AGBL1: variants seen among roughly 807,000 people sequenced by gnomAD.
AGBL1 encodes the protein cytosolic carboxypeptidase 4.
In AGBL1, 130 loss-of-function variants were observed where a neutral mutation model predicts 118.9. The ratio of observed to expected loss-of-function variants is 1.09; its 90% CI spans 0.95 to 1.26. AGBL1 has a LOEUF of 1.26. Ranked by LOEUF, AGBL1 falls within the 50% of genes most tolerant of loss-of-function variation. AGBL1 has a pLI of 0.00. For missense variants in AGBL1, 1,584 were observed against 1,298.1 expected (o/e 1.22, Z -3.38); for synonymous variants, 555 against 478.9 (o/e 1.16, Z -2.08).
At chr15:86,637,371 G>A (rs2085114394) in intron 21 of AGBL1, among the ~76,000 whole-genome samples, 1 of 152,070 alleles carries the variant, frequency 6.6e-6, no homozygotes, top group East Asian at 1.9e-4. Flanking sequence ...TTCAGGCATA[G>A]AGAAACACAA....
intron 22 of AGBL1, among the ~76,000 whole-genome samples, chr15:86,866,230 C>A (rs546069951): frequency 2.0e-5 from 3 of 152,258 alleles, no homozygotes; most frequent in East Asian, 3.9e-4. Flanking sequence ...GTCATCTTGA[C>A]AAATGAAGGA....
At chr15:86,291,297 G>A (rs2079541190) in intron 16 of AGBL1, among the ~76,000 whole-genome samples, 1 of 152,092 alleles carries the variant, frequency 6.6e-6, no homozygotes, top group South Asian at 2.1e-4. Flanking sequence ...AGCATGTAGT[G>A]TTGCAGAAGA....
rs114791794 is a variant in AGBL1 at position 86,435,381 on chromosome 15, T to A, written c.2555+37835T>A. ...CACTAAGTATTGTGAGGATTATTGT[T>A]ACTAGGTGAGAACCAGGGTGATATT... On this transcript the variant is annotated intron_variant, in intron 18 of 22. Coordinates refer to ENST00000614907, the MANE Select transcript of AGBL1 (RefSeq NM_001386094.1). 2.9e-3 allele frequency among the ~76,000 whole-genome samples: 442 copies of A among 152,296 alleles called. 3 individuals carry two copies. Among genetic ancestry groups the A allele is most frequent in the African/African-American group, 0.01 (416 of 41,574 alleles).
intron 19 of AGBL1, among the ~76,000 whole-genome samples, chr15:86,542,163 G>T (rs1431032256): frequency 6.6e-6 from 1 of 152,142 alleles, no homozygotes; most frequent in African/African-American, 2.4e-5. Flanking sequence ...GAGCTTTGCT[G>T]GCATAATGTA....
At chr15:86,880,652 T>G (rs2079877756) in intron 22 of AGBL1, among the ~76,000 whole-genome samples, 1 of 152,108 alleles carries the variant, frequency 6.6e-6, no homozygotes, top group South Asian at 2.1e-4. Flanking sequence ...TGTGTATGCA[T>G]GTGTGTGGAT....
intron 1 of AGBL1, among the ~76,000 whole-genome samples, chr15:86,118,409 C>T (rs1897893573): frequency 1.3e-5 from 2 of 151,994 alleles, no homozygotes; most frequent in East Asian, 3.9e-4. Context: ...AAGAACTCTG[C>T]AGCACCACGT....
At chr15:87,022,945 A>C (rs533078990) in intron 24 of AGBL1, among the ~76,000 whole-genome samples, 1 of 152,180 alleles carries the variant, frequency 6.6e-6, no homozygotes, top group South Asian at 2.1e-4. Flanking sequence ...CCACTACAAG[A>C]ACTGCTTTTC....
rs151096192 is a variant in AGBL1, at chr15:86,718,022, A to G, written c.3158+43586A>G. Among the ~76,000 whole-genome samples the G allele has an allele frequency of 2.7e-3, 411 of 152,228 alleles. 1 individual carries two copies. Among genetic ancestry groups the G allele is most frequent in the African/African-American group, 9.3e-3 (386 of 41,542 alleles). On this transcript the variant is annotated intron_variant, in intron 22 of 22. Transcript: ENST00000614907. ...GAACCTGGGAGGTGGAGGTTGCAGT[A>G]AGCCAACATTGTGCCACTGCACTCC... is the stretch of plus-strand genomic sequence containing the variant.
chr15:86,131,264 G>A (rs2076815021), intron 1 of AGBL1, among the ~76,000 whole-genome samples: 1 of 151,938 alleles, frequency 6.6e-6, no homozygotes, highest in South Asian at 2.1e-4. Context: ...ATTCTATTTG[G>A]TAATAAGAGA....
chr15:86,443,851 T>C (rs1030792119), intron 18 of AGBL1, among the ~76,000 whole-genome samples: 2 of 124,656 alleles, frequency 1.6e-5, no homozygotes, highest in Non-Finnish European at 3.2e-5. Context: ...CATCCATTCA[T>C]TGATAGACAC....
chr15:86,425,145 G>A (rs1449670719), intron 18 of AGBL1, among the ~76,000 whole-genome samples: 1 of 152,146 alleles, frequency 6.6e-6, no homozygotes, highest in East Asian at 1.9e-4. Flanking sequence ...CAACCCAAAT[G>A]CCCATCAGTG....
intron 7 of AGBL1, among the ~76,000 whole-genome samples, chr15:86,255,916 T>C (rs1181145597): frequency 1.3e-5 from 2 of 152,332 alleles, no homozygotes; most frequent in African/African-American, 4.8e-5. Flanking sequence ...GGAGATGCCA[T>C]AGTTCAGCAG....
intron 1 of AGBL1, among the ~76,000 whole-genome samples, chr15:86,090,354 G>A (rs1895940133): frequency 1.3e-5 from 2 of 152,140 alleles, no homozygotes; most frequent in South Asian, 2.1e-4. Context: ...ATTATAGGGA[G>A]GAAAAATCCC....
chr15:86,545,911 G>T, intron 19 of AGBL1, 91 bp from the exon 20 acceptor site: 2 of 1,452,040 alleles, frequency 1.4e-6, no homozygotes, highest in South Asian at 1.3e-5. Context: ...CTTTCTTTGA[G>T]CCATGGAACA....
At chr15:86,085,016 T>C (rs1185659682) in intron 1 of AGBL1, among the ~76,000 whole-genome samples, 1 of 152,252 alleles carries the variant, frequency 6.6e-6, no homozygotes, top group Non-Finnish European at 1.5e-5. Flanking sequence ...TATTGGTACA[T>C]GCCCAATAAG....
At chr15:86,523,032 G>T in intron 19 of AGBL1, 93 bp downstream of exon 19, 1 of 1,448,550 alleles carries the variant, frequency 6.9e-7, no homozygotes, top group South Asian at 1.2e-5. Flanking sequence ...AATAGACAAT[G>T]ACCAAAAACC....
chr15:86,114,765 A>G (rs976070519), intron 1 of AGBL1, among the ~76,000 whole-genome samples: 1 of 152,154 alleles, frequency 6.6e-6, no homozygotes, highest in East Asian at 1.9e-4. Flanking sequence ...AACCCACACC[A>G]TGCTTGCCCA....
At chr15:86,586,854 G>C (rs1210659613) in intron 21 of AGBL1, among the ~76,000 whole-genome samples, 1 of 152,122 alleles carries the variant, frequency 6.6e-6, no homozygotes, top group African/African-American at 2.4e-5. Context: ...GAATGCTTAA[G>C]TTAAGGGGGG....
chr15:86,176,858 AG>A (rs2077489154), intron 5 of AGBL1, among the ~76,000 whole-genome samples: 2 of 152,136 alleles, frequency 1.3e-5, no homozygotes, highest in South Asian at 2.1e-4. Context: ...CTAGGATTGC[AG>A]GAGTCTGTGG....
Sources: allele counts gnomAD v4.1 joint callset (sites outside exome capture counted in the v4.1 genomes callset), GRCh38; gene constraint gnomAD v4.1.1; transcripts MANE v1.5; gene names NCBI Gene and HGNC (gene_info 2026-07-23, HGNC 2026-07-21).